The following ARHGEF38 variants were observed in gnomAD, a reference collection of about 807,000 sequenced individuals.
The protein encoded by ARHGEF38 is Rho guanine nucleotide exchange factor 38, also known as Rho guanine nucleotide exchange factor (GEF) 38.
In ARHGEF38, 79 loss-of-function variants were observed where a neutral mutation model predicts 79.9. The ratio of observed to expected loss-of-function variants is 0.99; its 90% CI spans 0.82 to 1.19. The LOEUF is 1.19. Among genes scored for constraint, ARHGEF38 ranks in the 50% most tolerant of loss-of-function variants. The pLI, the probability that ARHGEF38 is intolerant of heterozygous loss-of-function variation, is 0.00. For missense variants in ARHGEF38, 962 were observed against 907.2 expected, an observed-to-expected ratio of 1.06 and a Z score of -0.78; for synonymous variants, 366 against 328.3, an observed-to-expected ratio of 1.11 and a Z score of -1.24.
intron 1 of ARHGEF38, among the ~76,000 whole-genome samples, chr4:105,579,544 C>T (rs981361470): frequency 2.0e-5 from 3 of 152,116 alleles, no homozygotes; most frequent in Non-Finnish European, 4.4e-5. Flanking sequence ...TACTGATTTG[C>T]ATATGTTGAA....
intron 2 of ARHGEF38, among the ~76,000 whole-genome samples, chr4:105,593,485 C>A (rs1170375591): frequency 6.6e-6 from 1 of 152,118 alleles, no homozygotes; most frequent in East Asian, 1.9e-4. Context: ...CTGCAGTGAG[C>A]CATGATCACG....
chr4:105,571,784 A>T (rs1726248413), intron 1 of ARHGEF38, among the ~76,000 whole-genome samples: 1 of 152,250 alleles, frequency 6.6e-6, no homozygotes, highest in Non-Finnish European at 1.5e-5. Flanking sequence ...ATCAATGTAG[A>T]TTCTAACAAT....
chr4:105,611,080 T>C (rs559853235), intron 2 of ARHGEF38, among the ~76,000 whole-genome samples: 1 of 152,254 alleles, frequency 6.6e-6, no homozygotes, highest in African/African-American at 2.4e-5. Context: ...CCCTGCATTA[T>C]TTTCTGTATC....
chr4:105,568,648 T>C (rs115142798), intron 1 of ARHGEF38, among the ~76,000 whole-genome samples: 577 of 152,372 alleles, frequency 3.8e-3, no homozygotes, highest in Non-Finnish European at 6.5e-3. Context: ...GATGAAATTA[T>C]ATATTAGTTA....
At chr4:105,642,482 T>C (rs1280171360) in intron 5 of ARHGEF38, among the ~76,000 whole-genome samples, 3 of 152,192 alleles carry the variant, frequency 2.0e-5, no homozygotes, top group Non-Finnish European at 4.4e-5. Context: ...TGATACAATC[T>C]AGACACAACA....
At chr4:105,647,198 A>G (rs1278835711) in intron 6 of ARHGEF38, among the ~76,000 whole-genome samples, 1 of 152,074 alleles carries the variant, frequency 6.6e-6, no homozygotes, top group Non-Finnish European at 1.5e-5. Context: ...CCTTCCCACC[A>G]TGATTCCAGT....
intron 11 of ARHGEF38, 114 bp downstream of exon 11, chr4:105,666,434 C>T: frequency 8.6e-7 from 1 of 1,159,554 alleles, no homozygotes; most frequent in Non-Finnish European, 1.1e-6. Flanking sequence ...CTATAATTTA[C>T]ATATGTGTAG....
At chr4:105,619,059 A>G (rs1426063778) in intron 3 of ARHGEF38, among the ~76,000 whole-genome samples, 1 of 152,198 alleles carries the variant, frequency 6.6e-6, no homozygotes, top group Non-Finnish European at 1.5e-5. Flanking sequence ...TTTCAGATTC[A>G]CTAATCATAG....
intron 13 of ARHGEF38, among the ~76,000 whole-genome samples, chr4:105,669,906 C>T (rs1175073465): frequency 6.6e-6 from 1 of 152,102 alleles, no homozygotes; most frequent in Non-Finnish European, 1.5e-5. Context: ...TGGTGTTTTA[C>T]AGCTGCTTTT....
Position 105,648,702 on chromosome 4 carries a change from C to A in ARHGEF38, c.1008+20C>A. 1 of 1,495,288 alleles carries A rather than the reference C, an allele frequency of 6.7e-7. No individual in the cohort carries two copies. The allele number at this position is 1,495,288 out of a possible 1,614,324, so 92.6% of individuals were successfully genotyped here. On this transcript the variant is annotated intron_variant, in intron 7 of 13. Coordinates refer to ENST00000420470, the MANE Select transcript of ARHGEF38 (RefSeq NM_001242729.2). Reference sequence around the variant, plus strand: ...TCACAGGTAATTTTTCTTCTTGGACCACCCACCTTTTCCCAGGGAACATGA... The same window carrying A: ...TCACAGGTAATTTTTCTTCTTGGACAACCCACCTTTTCCCAGGGAACATGA...
rs187667147 is a variant in ARHGEF38, at chr4:105,621,779, T to C, written c.508+8272T>C. Reference sequence around the variant, plus strand: ...TGTTTTACTCAGGACACAAATAGGCTTGACCTGGTTAATTTTGGCCAACTG... The same window carrying C: ...TGTTTTACTCAGGACACAAATAGGCCTGACCTGGTTAATTTTGGCCAACTG... On this transcript the variant is annotated intron_variant, in intron 3 of 13. Coordinates refer to ENST00000420470, the MANE Select transcript of ARHGEF38 (RefSeq NM_001242729.2). Among the ~76,000 whole-genome samples, 247 of 152,302 alleles carry C rather than the reference T, an allele frequency of 1.6e-3. 3 individuals are homozygous for C. Among genetic ancestry groups the C allele is most frequent in the Middle Eastern group, 3.4e-3 (1 of 294 alleles).
rs138863158 is a variant in ARHGEF38, at chr4:105,642,278, C to A, written c.675-2910C>A. Among the ~76,000 whole-genome samples the A allele has an allele frequency of 4.7e-3, 722 of 152,262 alleles. 6 individuals carry two copies. The highest frequency in any genetic ancestry group is 0.016 in the African/African-American group (676 of 41,550). ...TGAATATCATTGCTCATCACTTGGGCAACTCTCTCAAGTATATCTCCAGAC... is the reference window on the plus strand; with the variant it reads ...TGAATATCATTGCTCATCACTTGGGAAACTCTCTCAAGTATATCTCCAGAC... On this transcript the variant is annotated intron_variant, in intron 5 of 13. Transcript: ENST00000420470.
intron 3 of ARHGEF38, among the ~76,000 whole-genome samples, chr4:105,619,967 G>A (rs1489895838): frequency 6.6e-6 from 1 of 152,186 alleles, no homozygotes; most frequent in Non-Finnish European, 1.5e-5. Flanking sequence ...ATTCACAGCT[G>A]TAGTGCCAAA....
intron 1 of ARHGEF38, among the ~76,000 whole-genome samples, chr4:105,587,052 C>T (rs928609676): frequency 6.6e-6 from 1 of 152,218 alleles, no homozygotes; most frequent in African/African-American, 2.4e-5. Flanking sequence ...CTTCCTCTTT[C>T]ATATCCAAAA....
At chr4:105,631,348 G>C (rs1485419383) in intron 4 of ARHGEF38, 1 of 1,027,724 alleles carries the variant, frequency 9.7e-7, no homozygotes, top group African/African-American at 1.7e-5. Flanking sequence ...ATTGTAACTT[G>C]CCTGGCCCCA....
At chr4:105,562,796 G>T (rs940610313) in intron 1 of ARHGEF38, among the ~76,000 whole-genome samples, 7 of 152,206 alleles carry the variant, frequency 4.6e-5, no homozygotes, top group Non-Finnish European at 1.0e-4. Context: ...CTGAAATAGA[G>T]ATTCGGGTGG....
At chr4:105,634,956 A>G (rs980284384) in intron 4 of ARHGEF38, among the ~76,000 whole-genome samples, 1 of 152,146 alleles carries the variant, frequency 6.6e-6, no homozygotes, top group African/African-American at 2.4e-5. Flanking sequence ...TTTGTTCACC[A>G]CATTTTATAC....
intron 1 of ARHGEF38, among the ~76,000 whole-genome samples, chr4:105,563,891 G>A (rs1725758858): frequency 6.6e-6 from 1 of 152,184 alleles, no homozygotes; most frequent in African/African-American, 2.4e-5. Context: ...AGAAAGATAT[G>A]TACTTGCATT....
At chr4:105,569,467 A>G (rs1347537594) in intron 1 of ARHGEF38, among the ~76,000 whole-genome samples, 1 of 152,220 alleles carries the variant, frequency 6.6e-6, no homozygotes, top group African/African-American at 2.4e-5. Context: ...AAGGAAAAGA[A>G]AAAGAGGGAA....
Sources: allele counts gnomAD v4.1 joint callset (sites outside exome capture counted in the v4.1 genomes callset), GRCh38; gene constraint gnomAD v4.1.1; transcripts MANE v1.5; gene names NCBI Gene and HGNC (gene_info 2026-07-23, HGNC 2026-07-21).